PHACTR1: variants seen among roughly 807,000 people sequenced by gnomAD.
The protein encoded by PHACTR1 is RPEL repeat containing 1.
A neutral mutation model predicts 69.2 loss-of-function variants in PHACTR1; 16 were observed. The observed-to-expected ratio is 0.23, with a 90% confidence interval of 0.16 to 0.35. The LOEUF (loss-of-function observed/expected upper bound fraction) is 0.35, where lower values mean the gene tolerates loss of function less well. Among genes scored for constraint, PHACTR1 ranks in the 10% least tolerant of loss-of-function variants. The pLI is 1.00. For missense variants in PHACTR1, 510 were observed against 734.7 expected, an observed-to-expected ratio of 0.69 and a Z score of 3.54; for synonymous variants, 312 against 284.5, an observed-to-expected ratio of 1.10 and a Z score of -0.97.
chr6:12,856,787 C>A (rs1364168594), intron 4 of PHACTR1, among the ~76,000 whole-genome samples: 1 of 152,106 alleles, frequency 6.6e-6, no homozygotes, highest in Non-Finnish European at 1.5e-5. Context: ...ATGCCCTTGG[C>A]CAGTCTAAAC....
intron 5 of PHACTR1, among the ~76,000 whole-genome samples, chr6:13,078,877 A>G (rs1013389343): frequency 6.6e-6 from 1 of 152,338 alleles, no homozygotes; most frequent in East Asian, 1.9e-4. Context: ...CAGGGCATTC[A>G]GTTGCAAATA....
chr6:13,202,725 C>T (rs1202325967), intron 7 of PHACTR1, among the ~76,000 whole-genome samples: 1 of 152,218 alleles, frequency 6.6e-6, no homozygotes, highest in Non-Finnish European at 1.5e-5. Context: ...AATCCACCTG[C>T]CTCGGCCTCG....
chr6:12,822,184 C>T (rs751138767), intron 4 of PHACTR1, among the ~76,000 whole-genome samples: 1 of 152,174 alleles, frequency 6.6e-6, no homozygotes, highest in Non-Finnish European at 1.5e-5. Context: ...AGTCACTGGA[C>T]TCCTGTTGAC....
intron 4 of PHACTR1, among the ~76,000 whole-genome samples, chr6:12,918,515 A>G (rs1334660491): frequency 2.0e-5 from 3 of 152,256 alleles, no homozygotes; most frequent in African/African-American, 7.2e-5. Flanking sequence ...GTTGTCGTAC[A>G]TAAAATTAGC....
intron 8 of PHACTR1, among the ~76,000 whole-genome samples, chr6:13,210,766 T>A (rs896064393): frequency 3.3e-5 from 5 of 152,184 alleles, no homozygotes; most frequent in Non-Finnish European, 5.9e-5. Flanking sequence ...TATTGAACAT[T>A]AGCCAGCATG....
At chr6:13,205,667 A>G (rs1765799205) in intron 7 of PHACTR1, 148 bp from the exon 8 acceptor site, 1 of 702,188 alleles carries the variant, frequency 1.4e-6, no homozygotes, top group Non-Finnish European at 2.3e-6. Flanking sequence ...GCTGAGTAGC[A>G]CTCATCACGC....
At chr6:13,145,615 T>C (rs1389947791) in intron 5 of PHACTR1, among the ~76,000 whole-genome samples, 3 of 152,190 alleles carry the variant, frequency 2.0e-5, no homozygotes, top group Non-Finnish European at 4.4e-5. Context: ...AATGAGGTTA[T>C]AAATGTGGAT....
Position 13,182,691 on chromosome 6 carries a change from T to C in PHACTR1, c.664+5T>C, listed in dbSNP as rs1762342513. The C allele has an allele frequency of 6.5e-7, 1 of 1,530,002 alleles. No homozygotes were observed. The highest frequency in any genetic ancestry group is 1.3e-5 in the South Asian group (1 of 76,254). 94.8% of individuals were successfully genotyped at this position (1,530,002 alleles called of 1,614,324 possible). On this transcript the variant is annotated splice_donor_5th_base_variant and intron_variant, in intron 7 of 14. Coordinates refer to ENST00000332995, the MANE Select transcript of PHACTR1 (RefSeq NM_030948.6). ...CAGACATCATGGATGGGCCAGGTAA[T>C]GCCCCGGCAGGATTGTAGAGCAGGT...
intron 4 of PHACTR1, among the ~76,000 whole-genome samples, chr6:12,807,774 G>T (rs903246904): frequency 6.6e-6 from 1 of 152,148 alleles, no homozygotes. Context: ...CTTCTCCCTA[G>T]ATCTTGAGCT....
intron 8 of PHACTR1, among the ~76,000 whole-genome samples, chr6:13,226,067 C>T (rs1266813226): frequency 2.0e-5 from 3 of 152,178 alleles, no homozygotes; most frequent in South Asian, 2.1e-4. Context: ...AATGGACCAA[C>T]GTAAACCACT....
chr6:12,836,639 G>C (rs985996078), intron 4 of PHACTR1, among the ~76,000 whole-genome samples: 3 of 152,116 alleles, frequency 2.0e-5, no homozygotes, highest in Non-Finnish European at 4.4e-5. Context: ...AATAACCTAA[G>C]CCTGCAGCAC....
At chr6:13,156,138 T>G (rs1758141646) in intron 5 of PHACTR1, among the ~76,000 whole-genome samples, 1 of 152,170 alleles carries the variant, frequency 6.6e-6, no homozygotes, top group South Asian at 2.1e-4. Context: ...TCTGAGTAAG[T>G]TCATTTTGCT....
At chr6:13,174,311 T>C (rs1016161174) in intron 6 of PHACTR1, among the ~76,000 whole-genome samples, 2 of 152,224 alleles carry the variant, frequency 1.3e-5, no homozygotes, top group African/African-American at 4.8e-5. Context: ...AGGATAATTA[T>C]TTGCTTTAAC....
intron 4 of PHACTR1, among the ~76,000 whole-genome samples, chr6:12,941,667 G>A (rs1400031761): frequency 1.3e-5 from 2 of 152,096 alleles, no homozygotes; most frequent in Non-Finnish European, 2.9e-5. Context: ...AAGCTGCAGA[G>A]TTGTGAATTA....
chr6:12,877,188 A>G (rs2127449160), intron 4 of PHACTR1, among the ~76,000 whole-genome samples: 1 of 152,332 alleles, frequency 6.6e-6, no homozygotes, highest in African/African-American at 2.4e-5. Flanking sequence ...ACATAGAATT[A>G]ACCCTCATGA....
intron 5 of PHACTR1, among the ~76,000 whole-genome samples, chr6:13,109,596 G>A (rs940500947): frequency 3.3e-5 from 5 of 151,828 alleles, no homozygotes; most frequent in Non-Finnish European, 5.9e-5. Flanking sequence ...TTTGATTAAG[G>A]TATGCATTGG....
intron 4 of PHACTR1, among the ~76,000 whole-genome samples, chr6:12,952,229 C>T (rs1002994697): frequency 2.0e-5 from 3 of 152,204 alleles, no homozygotes; most frequent in African/African-American, 7.2e-5. Context: ...GATGAACCTA[C>T]ATCATCATCA....
At chr6:12,759,915 G>A (rs746799806) in intron 4 of PHACTR1, among the ~76,000 whole-genome samples, 11 of 152,188 alleles carry the variant, frequency 7.2e-5, no homozygotes, top group Non-Finnish European at 1.2e-4. Context: ...CTTACTGGCT[G>A]TATGACTTTG....
At chr6:13,277,751 C>T (rs375461501) in intron 11 of PHACTR1, among the ~76,000 whole-genome samples, 14 of 152,048 alleles carry the variant, frequency 9.2e-5, no homozygotes, top group East Asian at 3.9e-4. Flanking sequence ...AGTTCAAGAC[C>T]GGCCTGAACA....
Sources: allele counts gnomAD v4.1 joint callset (sites outside exome capture counted in the v4.1 genomes callset), GRCh38; gene constraint gnomAD v4.1.1; transcripts MANE v1.5; gene names NCBI Gene and HGNC (gene_info 2026-07-23, HGNC 2026-07-21).